The following MICAL3 variants were observed in gnomAD, a reference collection of about 807,000 sequenced individuals.
The protein encoded by MICAL3 is microtubule associated monooxygenase, calponin and LIM domain containing 3.
MICAL3 carries 62 observed loss-of-function variants against 207.4 expected under a neutral mutation model. The observed-to-expected ratio is 0.30, with a 90% CI of 0.24 to 0.37. The LOEUF (loss-of-function observed/expected upper bound fraction) is 0.37, where lower values mean the gene tolerates loss of function less well. Among genes scored for constraint, MICAL3 ranks in the 10% least tolerant of loss-of-function variants. The pLI, the probability that MICAL3 is intolerant of heterozygous loss-of-function variation, is 1.00. For missense variants in MICAL3, 2,368 were observed against 2,635.6 expected (o/e 0.90, Z 2.22); for synonymous variants, 1,077 against 1,069.3 (o/e 1.01, Z -0.14).
At chr22:17,951,075 T>C (rs1022672543) in intron 1 of MICAL3, among the ~76,000 whole-genome samples, 1 of 152,204 alleles carries the variant, frequency 6.6e-6, no homozygotes, top group African/African-American at 2.4e-5. Flanking sequence ...CATCTGGTGA[T>C]GTGGCCTGGC....
chr22:17,792,805 T>C (rs2061837666), intron 29 of MICAL3, among the ~76,000 whole-genome samples: 1 of 152,250 alleles, frequency 6.6e-6, no homozygotes, highest in Non-Finnish European at 1.5e-5. Flanking sequence ...AGCCTGCAAC[T>C]GTGGAGTGTG....
At chr22:17,813,312 G>A (rs2062068211) in intron 27 of MICAL3, 1 of 152,272 alleles carries the variant, frequency 6.6e-6, no homozygotes, top group African/African-American at 2.4e-5. Context: ...AAACCAGGGT[G>A]TGTGGTGGCG....
chr22:17,994,097 T>A (rs993533053), intron 1 of MICAL3, among the ~76,000 whole-genome samples: 1 of 152,212 alleles, frequency 6.6e-6, no homozygotes, highest in Non-Finnish European at 1.5e-5. Context: ...TCTCTAAGCA[T>A]CTCTGATGCT....
chr22:18,004,916 A>G, intron 1 of MICAL3: 1 of 142,942 alleles, frequency 7.0e-6, no homozygotes, highest in East Asian at 2.0e-4. Context: ...TTACTTATTT[A>G]TTTTTATTTT....
At position 17,900,084 on chromosome 22, in the gene MICAL3, A is replaced by G. The variant is rs766400570; in HGVS notation, c.848-536T>C. Among the ~76,000 whole-genome samples the G allele has an allele frequency of 1.3e-5, 2 of 152,242 alleles. No individual in the cohort carries two copies. Among genetic ancestry groups the G allele is most frequent in the South Asian group, 4.1e-4 (2 of 4,834 alleles). Reference sequence around the variant, plus strand: ...ATCTAAGTTGATCTATTCAAAACCTATCATACAACAATCTCATCGCTATCT... The same window carrying G: ...ATCTAAGTTGATCTATTCAAAACCTGTCATACAACAATCTCATCGCTATCT... On this transcript the variant is annotated intron_variant, in intron 6 of 31. Transcript: ENST00000441493. This position sits in a 1 kb window ranked among gnomAD's most constrained non-coding sequence, Gnocchi z 4.0.
chr22:17,970,981 A>G (rs1935388199), intron 1 of MICAL3, among the ~76,000 whole-genome samples: 1 of 152,120 alleles, frequency 6.6e-6, no homozygotes, highest in African/African-American at 2.4e-5. Context: ...CAGGAGTTCG[A>G]GACCAGCCTG....
chr22:17,893,934 AG>A, intron 10 of MICAL3, 30 bp from the exon 11 acceptor site: 1 of 1,483,678 alleles, frequency 6.7e-7, no homozygotes, highest in Non-Finnish European at 9.2e-7. Context: ...TCAAACAGAA[AG>A]AAAATCAAAT....
At chr22:17,976,658 C>T (rs1165032747) in intron 1 of MICAL3, among the ~76,000 whole-genome samples, 1 of 140,234 alleles carries the variant, frequency 7.1e-6, no homozygotes, top group Non-Finnish European at 1.5e-5. Flanking sequence ...GGCGCGATCT[C>T]GGCTCACTAC....
intron 27 of MICAL3, chr22:17,815,120 C>A (rs1235040710): frequency 6.6e-6 from 1 of 152,276 alleles, no homozygotes; most frequent in African/African-American, 2.4e-5. Context: ...CTGTGGGTGC[C>A]CCTAGAGCGT....
At chr22:18,016,535 C>A (rs1049965456) in intron 1 of MICAL3, among the ~76,000 whole-genome samples, 9 of 152,188 alleles carry the variant, frequency 5.9e-5, no homozygotes, top group Admixed American at 3.9e-4. Context: ...CAGCCCTTGG[C>A]AATCACTCTT....
chr22:18,005,166 C>T (rs1055444978), intron 1 of MICAL3: 3 of 152,134 alleles, frequency 2.0e-5, no homozygotes, highest in Admixed American at 2.0e-4. Context: ...AACTCCTGAC[C>T]TCAGGTGATC....
At chr22:17,917,292 G>A (rs1028984680) in intron 1 of MICAL3, among the ~76,000 whole-genome samples, 1 of 152,166 alleles carries the variant, frequency 6.6e-6, no homozygotes, top group Non-Finnish European at 1.5e-5. Flanking sequence ...ACACTCTGAT[G>A]CCGCTCGCCA....
intron 29 of MICAL3, among the ~76,000 whole-genome samples, chr22:17,795,829 A>G (rs1000626891): frequency 4.3e-5 from 6 of 139,230 alleles, no homozygotes; most frequent in African/African-American, 1.3e-4. Context: ...CAAAAGAAGA[A>G]GTGGAAGGGA....
chr22:17,836,403 AAGG>A (rs1219714653), intron 20 of MICAL3, among the ~76,000 whole-genome samples: 1 of 152,160 alleles, frequency 6.6e-6, no homozygotes, highest in Non-Finnish European at 1.5e-5. Context: ...TCATTTGCAT[AAGG>A]AGAAGTCGGG....
rs1921263658 is a variant in MICAL3 at position 17,819,135 on chromosome 22, G to T, written c.3532-6C>A. On this transcript the variant is annotated splice_region_variant and splice_polypyrimidine_tract_variant and intron_variant, in intron 25 of 31. Transcript: ENST00000441493. ...ACAGGTGGGAGTTGGGGCCCCTACA[G>T]GGAAGGAAGACAGAAGCCGCTGAGA... 4 of 1,470,942 alleles carry T rather than the reference G, an allele frequency of 2.7e-6. No individual in the cohort carries two copies. The highest frequency in any genetic ancestry group is 3.6e-6 in the Non-Finnish European group (4 of 1,108,076). The allele number at this position is 1,470,942 out of a possible 1,614,324, so 91.1% of individuals were successfully genotyped here.
intron 23 of MICAL3, among the ~76,000 whole-genome samples, 186 bp downstream of exon 23, chr22:17,822,761 C>A (rs1373794485): frequency 6.6e-6 from 1 of 152,212 alleles, no homozygotes; most frequent in East Asian, 1.9e-4. Flanking sequence ...TGACTGCAGG[C>A]CAAGTCGCCT....
At position 17,817,289 on chromosome 22, in the gene MICAL3, G is replaced by A. The variant is rs372109293; in HGVS notation, c.5350+22C>T. ...CGCACCCCTCCCGCTCTGCCTGCAC[G>A]CGGACCCGGCTGCTGACGCACCTGC... is the stretch of plus-strand genomic sequence containing the variant. On this transcript the variant is annotated intron_variant, in intron 26 of 31. Coordinates refer to ENST00000441493, the MANE Select transcript of MICAL3 (RefSeq NM_015241.3). 8.7e-5 allele frequency: 136 copies of A among 1,554,322 alleles called. No homozygotes were observed. The African/African-American group carries it at 1.6e-3, about 18-fold the overall frequency.
intron 1 of MICAL3, among the ~76,000 whole-genome samples, chr22:17,964,632 C>G (rs1935064110): frequency 6.6e-6 from 1 of 152,190 alleles, no homozygotes; most frequent in Non-Finnish European, 1.5e-5. Context: ...CACTAGAACC[C>G]TCTGACAGAA....
intron 1 of MICAL3, among the ~76,000 whole-genome samples, chr22:17,958,877 T>G (rs1934759290): frequency 6.6e-6 from 1 of 150,698 alleles, no homozygotes; most frequent in African/African-American, 2.5e-5. Context: ...CTAATTTTTT[T>G]GTATTTTTAG....
Sources: gnomAD v4.1 joint callset for allele counts (sites outside exome capture counted in the v4.1 genomes callset) on GRCh38, gnomAD v4.1.1 for gene constraint, Gnocchi (gnomAD v3.1) non-coding constraint, MANE v1.5 for transcripts, NCBI Gene and HGNC (gene_info 2026-07-23, HGNC 2026-07-21) for gene names.